Variants in AK7 observed in about 807,000 individuals in gnomAD.
AK7 encodes the protein adenylate kinase 7, also known as ATP-AMP transphosphorylase 7.
AK7 carries 78 observed loss-of-function variants against 96.6 expected under a neutral mutation model. The observed-to-expected ratio is 0.81, with a 90% CI of 0.67 to 0.97. AK7 has a LOEUF of 0.97. Among genes scored for constraint, AK7 ranks in the 50% least tolerant of loss-of-function variants. AK7 has a pLI of 0.00. For synonymous variants in AK7, 302 were observed against 317.2 expected (o/e 0.95, Z 0.51); for missense variants, 855 against 887.9 (o/e 0.96, Z 0.47).
chr14:96,393,307 A>G (rs1889864262), intron 1 of AK7, among the ~76,000 whole-genome samples: 1 of 152,244 alleles, frequency 6.6e-6, no homozygotes, highest in Non-Finnish European at 1.5e-5. Flanking sequence ...GCACTTTCGA[A>G]CAGGACAAAT....
At position 96,434,767 on chromosome 14, in the gene AK7, G is replaced by A. The variant is rs112926727; in HGVS notation, c.610-3068G>A. ...GATAAACCTTAGAAGTCTACCTGGC[G>A]TTCTATTGTATTGCGGCTGAGCTAG... On this transcript the variant is annotated intron_variant, in intron 5 of 17. Coordinates refer to ENST00000267584, the MANE Select transcript of AK7 (RefSeq NM_152327.5). Among the ~76,000 whole-genome samples the A allele has an allele frequency of 5.9e-3, 904 of 152,110 alleles. 9 individuals are homozygous for A. The highest frequency in any genetic ancestry group is 0.02 in the African/African-American group (824 of 41,446).
chr14:96,410,188 A>G (rs1330231903), intron 4 of AK7, among the ~76,000 whole-genome samples: 1 of 152,220 alleles, frequency 6.6e-6, no homozygotes, highest in African/African-American at 2.4e-5. Context: ...GGCAGGGACC[A>G]CAGGTTTCAT....
At chr14:96,432,828 C>CAA (rs569057680) in intron 5 of AK7, among the ~76,000 whole-genome samples, 3,843 of 125,938 alleles carry the variant, frequency 0.031, 88 homozygotes, top group African/African-American at 0.069. Flanking sequence ...ACTAAAAATA[C>CAA]AAAAAAAAAA....
chr14:96,454,764 T>G (rs1169815149), intron 10 of AK7, among the ~76,000 whole-genome samples: 1 of 151,752 alleles, frequency 6.6e-6, no homozygotes, highest in Non-Finnish European at 1.5e-5. Context: ...CAGGCTCGCC[T>G]CAAACTCCTG....
At chr14:96,435,958 C>T (rs1334296562) in intron 5 of AK7, among the ~76,000 whole-genome samples, 3 of 152,090 alleles carry the variant, frequency 2.0e-5, no homozygotes, top group African/African-American at 4.8e-5. Flanking sequence ...CCTCTTTCAG[C>T]GATATGAAGT....
chr14:96,411,656 AT>A (rs1891034697), intron 4 of AK7, among the ~76,000 whole-genome samples: 6 of 152,178 alleles, frequency 3.9e-5, no homozygotes, highest in Admixed American at 3.9e-4. Context: ...TGTGTTTGAG[AT>A]TTGCTTCTAA....
At chr14:96,475,954 G>C (rs749706104) in intron 14 of AK7, among the ~76,000 whole-genome samples, 1 of 149,990 alleles carries the variant, frequency 6.7e-6, no homozygotes, top group Non-Finnish European at 1.5e-5. Context: ...ACTTCAGCCT[G>C]GGTGACAGTG....
At chr14:96,454,240 A>G (rs1893764357) in intron 10 of AK7, among the ~76,000 whole-genome samples, 1 of 152,158 alleles carries the variant, frequency 6.6e-6, no homozygotes, top group South Asian at 2.1e-4. Flanking sequence ...ACCAATGCAA[A>G]TCCTTTTCAT....
At chr14:96,448,150 A>C (rs1022699097) in intron 8 of AK7, among the ~76,000 whole-genome samples, 6 of 151,472 alleles carry the variant, frequency 4.0e-5, no homozygotes, top group African/African-American at 1.5e-4. Context: ...AAAGAAAAGA[A>C]ATTCAGTTTA....
rs751643255 is a variant in AK7, at chr14:96,398,070, T to G, written c.106-5T>G. On this transcript the variant is annotated splice_region_variant and splice_polypyrimidine_tract_variant and intron_variant, in intron 1 of 17. Transcript: ENST00000267584. ...ACCATTTGGGAAATTTCTGTTTCCTTGCAGTTTCTATCTAACTGTGTAGTT... is the reference window on the plus strand; with the variant it reads ...ACCATTTGGGAAATTTCTGTTTCCTGGCAGTTTCTATCTAACTGTGTAGTT... 20 of 1,611,284 alleles carry G rather than the reference T, an allele frequency of 1.2e-5. No individual in the cohort carries two copies. The highest frequency in any genetic ancestry group is 1.7e-5 in the Non-Finnish European group (20 of 1,178,408).
chr14:96,428,679 A>G (rs1035312931), intron 5 of AK7, among the ~76,000 whole-genome samples: 1 of 152,062 alleles, frequency 6.6e-6, no homozygotes, highest in South Asian at 2.1e-4. Flanking sequence ...ATGGTATCTC[A>G]TTGTGGTTTT....
chr14:96,412,605 A>G (rs996118964), intron 4 of AK7, among the ~76,000 whole-genome samples: 3 of 145,458 alleles, frequency 2.1e-5, no homozygotes, highest in Non-Finnish European at 4.5e-5. Context: ...TTGCTATGTC[A>G]CCCAGGTTAA....
intron 5 of AK7, among the ~76,000 whole-genome samples, chr14:96,429,137 G>A (rs946821947): frequency 6.6e-6 from 1 of 151,774 alleles, no homozygotes; most frequent in African/African-American, 2.4e-5. Context: ...ATTAATTTTT[G>A]TATAAGGTGT....
At chr14:96,484,771 A>G (rs1179898374) in intron 16 of AK7, among the ~76,000 whole-genome samples, 1 of 152,168 alleles carries the variant, frequency 6.6e-6, no homozygotes, top group Non-Finnish European at 1.5e-5. Flanking sequence ...TTATGTATTT[A>G]TCTTGTTTCT....
At chr14:96,453,557 C>T (rs180956057) in intron 10 of AK7, among the ~76,000 whole-genome samples, 134 of 152,330 alleles carry the variant, frequency 8.8e-4, no homozygotes, top group African/African-American at 3.0e-3. Flanking sequence ...GTCATTGCTG[C>T]TTCAGAGACA....
intron 16 of AK7, among the ~76,000 whole-genome samples, chr14:96,484,896 TGGAAAGAAGGAA>T (rs905522170): frequency 6.6e-6 from 1 of 150,624 alleles, no homozygotes; most frequent in African/African-American, 2.4e-5. Flanking sequence ...ACTCAACAAA[TGGAAAGAAGGAA>T]GGAAAGAAGG....
In AK7 at chr14:96,438,910, T is replaced by A. The variant is rs182551793; in HGVS notation, c.690+995T>A. On this transcript the variant is annotated intron_variant, in intron 6 of 17. Transcript: ENST00000267584. ...TTGAAGAGAGAGTCAATGGGATTTG[T>A]TCAAAGCTTGGATGTAAGGATGACA... 4.6e-5 allele frequency among the ~76,000 whole-genome samples: 7 copies of A among 152,294 alleles called. No individual in the cohort carries two copies. In the East Asian group the frequency reaches 1.4e-3, roughly 29 times the overall value.
intron 12 of AK7, among the ~76,000 whole-genome samples, chr14:96,460,361 C>T (rs992361497): frequency 6.6e-6 from 1 of 152,206 alleles, no homozygotes; most frequent in African/African-American, 2.4e-5. Context: ...CCTTTATTTT[C>T]TCTCCTCTTC....
intron 12 of AK7, among the ~76,000 whole-genome samples, chr14:96,464,390 A>T (rs1458525315): frequency 1.3e-5 from 2 of 151,828 alleles, no homozygotes; most frequent in Non-Finnish European, 2.9e-5. Flanking sequence ...TCTACAAAAA[A>T]TACAAAAAAA....
Sources: allele counts gnomAD v4.1 joint callset (sites outside exome capture counted in the v4.1 genomes callset), GRCh38; gene constraint gnomAD v4.1.1; transcripts MANE v1.5; gene names NCBI Gene and HGNC (gene_info 2026-07-23, HGNC 2026-07-21).